Variants in G6PD observed in about 807,000 individuals in gnomAD.
The protein encoded by G6PD is glucose-6-phosphate 1-dehydrogenase.
G6PD carries 2 observed loss-of-function variants against 38.2 expected under a neutral mutation model. That is an observed-to-expected ratio of 0.05 (90% CI 0.02 to 0.16). G6PD has a LOEUF of 0.16. Ranked by LOEUF, G6PD falls within the 10% of genes least tolerant of loss-of-function variation. G6PD has a pLI of 1.00. For missense variants in G6PD, 310 were observed against 471.6 expected (o/e 0.66, Z 3.17); for synonymous variants, 188 against 196.0 (o/e 0.96, Z 0.34).
chrX:154,533,234 G>C (rs1276553811), intron 8 of G6PD, 106 bp from the exon 9 acceptor site: 1 of 910,824 alleles, frequency 1.1e-6, no homozygotes, highest in Non-Finnish European at 1.6e-6. Flanking sequence ...GGAGGCCCCT[G>C]CTTGGCTCTG....
At chrX:154,535,893 A>G in intron 4 of G6PD, 44 bp downstream of exon 4, 2 of 1,084,590 alleles carry the variant, frequency 1.8e-6, no homozygotes, top group African/African-American at 3.6e-5. Flanking sequence ...GGGGGCTGGT[A>G]GAGAGGGCAG....
chrX:154,536,183 G>A lies in G6PD; in HGVS notation c.121-5C>T. 4 of 1,210,466 alleles carry A rather than the reference G, an allele frequency of 3.3e-6. No individual in the cohort carries two copies. The highest frequency in any genetic ancestry group is 4.5e-6 in the Non-Finnish European group (4 of 894,433). Reference sequence around the variant, plus strand: ...CTTCTTCTTGGCCAGGTCACCCTGTGGCAGAGGGAACAGGTGTGTGGTTAG... The same window carrying A: ...CTTCTTCTTGGCCAGGTCACCCTGTAGCAGAGGGAACAGGTGTGTGGTTAG... On this transcript the variant is annotated splice_region_variant and splice_polypyrimidine_tract_variant and intron_variant, in intron 2 of 12. Coordinates refer to ENST00000393562, the MANE Select transcript of G6PD (RefSeq NM_001360016.2).
chrX:154,532,579 G>A lies in G6PD; in HGVS notation c.1275C>T (p.Gly425=). The A allele has an allele frequency of 8.3e-7, 1 of 1,211,955 alleles. No homozygotes were observed. The highest frequency in any genetic ancestry group is 1.8e-5 in the South Asian group (1 of 57,042). Residue 425 remains glycine (G), a synonymous_variant, in exon 10 of 13, where the codon GGC becomes GGT. Coordinates refer to ENST00000393562, the MANE Select transcript of G6PD (RefSeq NM_001360016.2). ...PEESELDLTY[G]NRYKNVKLPD... ...CTCTGTAGGGCACCTTGTATCTGTT[G>A]CCGTAGGTCAGGTCCAGCTCCGACT...
Position 154,533,122 on chromosome X carries a change from C to T in G6PD, c.871G>A (p.Val291Met), listed in dbSNP as rs137852327. 1.3e-4 allele frequency: 154 copies of T among 1,210,676 alleles called. 6 individuals carry two copies. The East Asian group carries it at 1.7e-3, about 14-fold the overall frequency. ...SDDVRDEKVKVLKCISEVQAN... is the reference protein window; with the variant it reads ...SDDVRDEKVKMLKCISEVQAN... ...TGCACCTCTGAGATGCATTTCAACA[C>T]CTTGACCTGAGAGAAAGCCAAGGGA... Residue 291 changes from valine to methionine, a missense_variant, in exon 9 of 13, where the codon GTG becomes ATG. Around this residue, in one of 4 missense-constraint regions of G6PD, gnomAD observed 168 missense variants for 309.2 expected, o/e 0.54. Transcript: ENST00000393562.
chrX:154,533,740 C>A (rs781956324), intron 7 of G6PD, 71 bp from the exon 8 acceptor site: 302 of 1,197,245 alleles, frequency 2.5e-4, no homozygotes, highest in Non-Finnish European at 2.5e-5. Context: ...GCATGGGGAC[C>A]CCAAACAAGG....
intron 2 of G6PD, among the ~76,000 whole-genome samples, chrX:154,536,989 AC>A (rs1210111543): frequency 8.9e-6 from 1 of 112,031 alleles, no homozygotes; most frequent in Non-Finnish European, 1.9e-5. Flanking sequence ...GAAACAGACA[AC>A]CCCCTGGCAT....
chrX:154,537,978 T>C (rs1471843532), intron 2 of G6PD, among the ~76,000 whole-genome samples: 1 of 106,764 alleles, frequency 9.4e-6, no homozygotes, highest in Non-Finnish European at 1.9e-5. Flanking sequence ...GAAGATTGCT[T>C]GAAATCAGGA....
At chrX:154,542,310 G>C in intron 2 of G6PD, 1 of 1,178,862 alleles carries the variant, frequency 8.5e-7, no homozygotes, top group Non-Finnish European at 1.1e-6. Context: ...AGAGAAGTGA[G>C]GACCCCGCAG....
chrX:154,538,695 A>T (rs782085008), intron 2 of G6PD, among the ~76,000 whole-genome samples: 1 of 112,046 alleles, frequency 8.9e-6, no homozygotes, highest in South Asian at 3.7e-4. Context: ...TGGGAGGCCG[A>T]GGCGGGGAAT....
chrX:154,532,094 G>C lies in G6PD; in HGVS notation c.1458-4C>G. On this transcript the variant is annotated splice_region_variant and splice_polypyrimidine_tract_variant and intron_variant, in intron 12 of 12. Coordinates refer to ENST00000393562, the MANE Select transcript of G6PD (RefSeq NM_001360016.2). Reference sequence around the variant, plus strand: ...GTCTGCCTCCGTGGGGCCTCGGCTGGAGAGTGACGGGTGGAGGAGAGGCAT... The same window carrying C: ...GTCTGCCTCCGTGGGGCCTCGGCTGCAGAGTGACGGGTGGAGGAGAGGCAT... The C allele has an allele frequency of 4.1e-6, 5 of 1,207,406 alleles. No homozygotes were observed. Among genetic ancestry groups the C allele is most frequent in the Non-Finnish European group, 5.6e-6 (5 of 893,642 alleles).
chrX:154,532,337 GGCCACCCCATA>G, intron 11 of G6PD, 38 bp downstream of exon 11: 1 of 1,208,590 alleles, frequency 8.3e-7, no homozygotes, highest in African/African-American at 1.7e-5. Context: ...GGAGGGCAAA[GGCCACCCCATA>G]GCCCACAGGT....
intron 6 of G6PD, 48 bp downstream of exon 6, chrX:154,534,290 C>A (rs781971666): frequency 2.0e-5 from 24 of 1,204,117 alleles, no homozygotes; most frequent in Non-Finnish European, 2.7e-5. Flanking sequence ...AGGTGAGGCT[C>A]CTGAGTACCA....
At chrX:154,534,978 G>T in intron 5 of G6PD, 190 bp downstream of exon 5, 1 of 490,088 alleles carries the variant, frequency 2.0e-6, no homozygotes, top group Non-Finnish European at 3.5e-6. Context: ...GCCTGGCCGG[G>T]CCTTTGGGGA....
intron 2 of G6PD, among the ~76,000 whole-genome samples, chrX:154,545,126 C>T (rs1283097688): frequency 1.8e-5 from 2 of 111,378 alleles, no homozygotes; most frequent in African/African-American, 3.3e-5. Flanking sequence ...GCTCTAGTCT[C>T]GGGCGATGGC....
At chrX:154,541,714 G>T (rs782731972) in intron 2 of G6PD, among the ~76,000 whole-genome samples, 1 of 112,456 alleles carries the variant, frequency 8.9e-6, no homozygotes, top group Admixed American at 9.4e-5. Flanking sequence ...GGAGGGATCT[G>T]CCCAAGGACA....
chrX:154,543,807 C>A (rs374748657), intron 2 of G6PD, among the ~76,000 whole-genome samples: 36 of 110,405 alleles, frequency 3.3e-4, no homozygotes, highest in African/African-American at 1.1e-3. Flanking sequence ...GATTTTCCTG[C>A]CTCAGCCTCC....
chrX:154,534,868 C>T (rs372514894), intron 5 of G6PD, among the ~76,000 whole-genome samples: 7 of 112,124 alleles, frequency 6.2e-5, no homozygotes, highest in South Asian at 3.6e-4. Context: ...TTACTACCCC[C>T]GCATTCAAAA....
At position 154,532,459 on chromosome X, in the gene G6PD, C is replaced by T. The variant is rs782098548; in HGVS notation, c.1291G>A (p.Val431Met). 4 of 1,211,247 alleles carry T rather than the reference C, an allele frequency of 3.3e-6. No homozygotes were observed. Among genetic ancestry groups the T allele is most frequent in the Admixed American group, 4.3e-5 (2 of 46,122 alleles). ...CGCTCATAGGCGTCAGGGAGCTTCACGTTCTGTGAGGGAGAGAGTGTCTTG... is the reference window on the plus strand; with the variant it reads ...CGCTCATAGGCGTCAGGGAGCTTCATGTTCTGTGAGGGAGAGAGTGTCTTG... ...DLTYGNRYKN[V>M]KLPDAYERLI... Residue 431 changes from valine (V) to methionine (M), a missense_variant, in exon 11 of 13, where the codon GTG becomes ATG. By Grantham distance (21) the Val-to-Met change is conservative (BLOSUM62 1). Around this residue, in one of 4 missense-constraint regions of G6PD, gnomAD observed 168 missense variants for 309.2 expected, o/e 0.54. Transcript: ENST00000393562.
At chrX:154,539,512 C>T (rs1367092633) in intron 2 of G6PD, among the ~76,000 whole-genome samples, 1 of 110,950 alleles carries the variant, frequency 9.0e-6, no homozygotes, top group African/African-American at 3.3e-5. Context: ...CAACAAAAGA[C>T]GGCGAGAAAA....
Sources: gnomAD v4.1 joint callset for allele counts (sites outside exome capture counted in the v4.1 genomes callset) on GRCh38, gnomAD v4.1.1 for gene constraint, gnomAD v4.1.1 regional missense constraint, MANE v1.5 for transcripts, NCBI Gene and HGNC (gene_info 2026-07-23, HGNC 2026-07-21) for gene names.